The following NT5DC3 variants were observed in gnomAD, a reference collection of about 807,000 sequenced individuals.
NT5DC3 encodes the protein 5'-nucleotidase domain containing 3, also known as 5'-nucleotidase domain-containing protein 3.
NT5DC3 carries 42 observed loss-of-function variants against 67.8 expected under a neutral mutation model. The observed-to-expected ratio is 0.62, with a 90% CI of 0.48 to 0.80. NT5DC3 has a LOEUF of 0.80. Among genes scored for constraint, NT5DC3 ranks in the 30% least tolerant of loss-of-function variants. NT5DC3 has a pLI of 0.00. For synonymous variants in NT5DC3, 237 were observed against 255.6 expected (o/e 0.93, Z 0.69); for missense variants, 570 against 696.4 (o/e 0.82, Z 2.04).
intron 2 of NT5DC3, among the ~76,000 whole-genome samples, chr12:103,813,197 G>A (rs1476198520): frequency 6.6e-6 from 1 of 152,210 alleles, no homozygotes; most frequent in African/African-American, 2.4e-5. Flanking sequence ...ACACCCCTTT[G>A]GATCCACCTT....
Position 103,796,960 on chromosome 12 carries a change from G to A in NT5DC3, c.687C>T (p.Cys229=), listed in dbSNP as rs367719335. Residue 229 remains cysteine, a synonymous_variant, in exon 6 of 14, where the codon TGC becomes TGT. Coordinates refer to ENST00000392876, the MANE Select transcript of NT5DC3 (RefSeq NM_001031701.3). ...FSLPEMTLLS[C]VNEYFLKNNI... Reference sequence around the variant, plus strand: ...TGTTCTTGAGGAAGTATTCATTCACGCAGGACAGGAGGGTCATCTCGGGCA... The same window carrying A: ...TGTTCTTGAGGAAGTATTCATTCACACAGGACAGGAGGGTCATCTCGGGCA... 4.9e-5 allele frequency: 79 copies of A among 1,613,912 alleles called. No homozygotes were observed. The highest frequency in any genetic ancestry group is 1.0e-4 in the Admixed American group (6 of 60,008).
intron 6 of NT5DC3, 96 bp downstream of exon 6, chr12:103,796,798 A>C: frequency 7.6e-7 from 1 of 1,318,768 alleles, no homozygotes; most frequent in Non-Finnish European, 1.1e-6. Flanking sequence ...AGACTATTTA[A>C]AACACCTAAC....
At chr12:103,812,939 C>T (rs925596791) in intron 2 of NT5DC3, among the ~76,000 whole-genome samples, 4 of 152,294 alleles carry the variant, frequency 2.6e-5, no homozygotes, top group Admixed American at 1.3e-4. Context: ...ACTGTTACTA[C>T]GCCCATTTTA....
At chr12:103,814,358 G>A (rs145755425) in intron 2 of NT5DC3, among the ~76,000 whole-genome samples, 487 of 152,278 alleles carry the variant, frequency 3.2e-3, no homozygotes, top group African/African-American at 0.011. Context: ...TGTACTTCCC[G>A]GGAGGGGTCT....
At chr12:103,828,314 C>G (rs1268436402) in intron 1 of NT5DC3, among the ~76,000 whole-genome samples, 2 of 152,222 alleles carry the variant, frequency 1.3e-5, no homozygotes, top group Admixed American at 6.5e-5. Flanking sequence ...ATTCCTTCTT[C>G]CAGCAGAGGA....
chr12:103,825,251 CCCA>C (rs1405540699), intron 1 of NT5DC3, among the ~76,000 whole-genome samples: 1 of 152,172 alleles, frequency 6.6e-6, no homozygotes, highest in African/African-American at 2.4e-5. Flanking sequence ...TTATACTACT[CCCA>C]CCAAAAGTTA....
the NT5DC3 span, chr12:103,749,203 T>G: frequency 6.5e-7 from 1 of 1,541,350 alleles, no homozygotes; most frequent in African/African-American, 1.4e-5. Flanking sequence ...GCCGTGGGCT[T>G]CGCTCCTCCT....
intron 1 of NT5DC3, among the ~76,000 whole-genome samples, chr12:103,826,511 A>G (rs1023825584): frequency 3.9e-5 from 6 of 152,230 alleles, no homozygotes; most frequent in African/African-American, 1.2e-4. Flanking sequence ...AAGGGGCTAC[A>G]AACAATGTGG....
intron 2 of NT5DC3, among the ~76,000 whole-genome samples, chr12:103,811,666 C>T (rs67825151): frequency 0.22 from 33,616 of 151,904 alleles, 4,263 homozygotes; most frequent in South Asian, 0.44. Context: ...AATGGACATT[C>T]GATAAAAACC....
chr12:103,758,379 T>C, the NT5DC3 span: 1 of 1,576,984 alleles, frequency 6.3e-7, no homozygotes, highest in Non-Finnish European at 8.6e-7. Flanking sequence ...GAAAACTCAG[T>C]GGCTACACAT....
chr12:103,748,057 A>C, the NT5DC3 span, among the ~76,000 whole-genome samples: 1 of 152,100 alleles, frequency 6.6e-6, no homozygotes, highest in Non-Finnish European at 1.5e-5. Flanking sequence ...TTGAGGAAAA[A>C]TCAGCAGTCT....
At position 103,777,877 on chromosome 12, in the gene NT5DC3, CCT is replaced by C. The variant is rs1566096432; in HGVS notation, c.1597_1598del (p.Arg533AlafsTer22). On this transcript the variant is annotated frameshift_variant, in exon 14 of 14. Coordinates refer to ENST00000392876, the MANE Select transcript of NT5DC3 (RefSeq NM_001031701.3). LOFTEE classifies it high-confidence loss of function. ...GGAGAGGGGTTCCGAAGGTGGGGGG[CCT>C]TTCTGACCAGGCGGGCAGTTCGTGC... Reference protein sequence around the residue: ...LQHELPAWSERPPTFGTPLLQ... With the variant: ...LQHELPAWSEXPPTFGTPLLQ... 6.2e-7 allele frequency: 1 copy of C among 1,614,092 alleles called. No homozygotes were observed. The highest frequency in any genetic ancestry group is 1.1e-5 in the South Asian group (1 of 91,078).
chr12:103,769,415 C>T (rs531867926), downstream of NT5DC3, among the ~76,000 whole-genome samples: 383 of 152,358 alleles, frequency 2.5e-3, 2 homozygotes, highest in Admixed American at 4.4e-3. Flanking sequence ...TGGTTCCCCA[C>T]TCCTGAGCCC....
At position 103,777,777 on chromosome 12, in the gene NT5DC3, C is replaced by T; in HGVS notation, c.*52G>A. ...ACTCAGACCCACATGAAGTCAACCC[C>T]ATCATGCCTGCCCAATCAGGGGCAG... On this transcript the variant is annotated 3_prime_UTR_variant, in exon 14 of 14. Transcript: ENST00000392876. 6.4e-7 allele frequency: 1 copy of T among 1,562,070 alleles called. No homozygotes were observed. Among genetic ancestry groups the T allele is most frequent in the Non-Finnish European group, 8.6e-7 (1 of 1,156,408 alleles).
intron 1 of NT5DC3, among the ~76,000 whole-genome samples, chr12:103,823,963 C>T (rs1330098536): frequency 6.6e-6 from 1 of 152,200 alleles, no homozygotes; most frequent in Non-Finnish European, 1.5e-5. Context: ...TCTGCCCAGT[C>T]AGGCTAGGCA....
the NT5DC3 span, among the ~76,000 whole-genome samples, chr12:103,765,111 A>T: frequency 1.4e-5 from 2 of 145,446 alleles, no homozygotes; most frequent in Non-Finnish European, 1.5e-5. Context: ...AAAAAAAAAA[A>T]GGGAGGTGGT....
chr12:103,763,081 G>A, the NT5DC3 span, among the ~76,000 whole-genome samples: 1 of 152,216 alleles, frequency 6.6e-6, no homozygotes, highest in African/African-American at 2.4e-5. Context: ...ATAAGCTCCA[G>A]GGAAAATCTC....
At chr12:103,792,936 G>C (rs1477749475) in intron 9 of NT5DC3, among the ~76,000 whole-genome samples, 1 of 152,174 alleles carries the variant, frequency 6.6e-6, no homozygotes, top group East Asian at 1.9e-4. Context: ...CCTACCTCAT[G>C]GGTCTGAAGT....
chr12:103,767,805 G>A (rs946711488), downstream of NT5DC3, among the ~76,000 whole-genome samples: 66 of 151,904 alleles, frequency 4.3e-4, no homozygotes, highest in African/African-American at 9.4e-4. Flanking sequence ...ACTTGAGGTC[G>A]GGCATGGTGG....
Sources: allele counts gnomAD v4.1 joint callset (sites outside exome capture counted in the v4.1 genomes callset), GRCh38; gene constraint gnomAD v4.1.1; transcripts MANE v1.5; gene names NCBI Gene and HGNC (gene_info 2026-07-23, HGNC 2026-07-21).